The following FRMD4A variants were observed in gnomAD, a reference collection of about 807,000 sequenced individuals.
FRMD4A encodes FERM domain-containing protein 4A.
A neutral mutation model predicts 129.1 loss-of-function variants in FRMD4A; 29 were observed. That is an observed-to-expected ratio of 0.22 (90% CI 0.17 to 0.31). FRMD4A has a LOEUF of 0.31. Ranked by LOEUF, FRMD4A falls within the 10% of genes least tolerant of loss-of-function variation. The pLI, the probability that FRMD4A is intolerant of heterozygous loss-of-function variation, is 1.00. For missense variants in FRMD4A, 1,272 were observed against 1,375.8 expected (o/e 0.92, Z 1.19); for synonymous variants, 634 against 571.6 (o/e 1.11, Z -1.56).
At chr10:13,886,676 AC>A (rs780461002) in intron 2 of FRMD4A, among the ~76,000 whole-genome samples, 5 of 151,988 alleles carry the variant, frequency 3.3e-5, no homozygotes, top group Non-Finnish European at 1.5e-5. Context: ...CAACTCCTGA[AC>A]TCAAACAATC....
At chr10:13,769,293 G>C (rs1167146190) in intron 6 of FRMD4A, among the ~76,000 whole-genome samples, 1 of 151,022 alleles carries the variant, frequency 6.6e-6, no homozygotes, top group Admixed American at 6.6e-5. Flanking sequence ...GTGTCAACTT[G>C]ACAGGCCAAG....
At chr10:13,793,153 T>C (rs2093039337) in intron 5 of FRMD4A, among the ~76,000 whole-genome samples, 1 of 151,988 alleles carries the variant, frequency 6.6e-6, no homozygotes, top group Non-Finnish European at 1.5e-5. Flanking sequence ...TTAGTTATCT[T>C]TTCCATGACC....
chr10:14,272,911 C>T (rs536255219), intron 2 of FRMD4A, among the ~76,000 whole-genome samples: 1 of 152,234 alleles, frequency 6.6e-6, no homozygotes, highest in African/African-American at 2.4e-5. Context: ...AAATATCTTC[C>T]TATTGCCTTT....
intron 2 of FRMD4A, among the ~76,000 whole-genome samples, chr10:14,201,235 T>C (rs1842628409): frequency 6.6e-6 from 1 of 152,246 alleles, no homozygotes; most frequent in Admixed American, 6.5e-5. Context: ...TCGCCAGTCC[T>C]TGGAGTAGCT....
At chr10:14,244,560 A>G (rs1232183370) in intron 2 of FRMD4A, among the ~76,000 whole-genome samples, 3 of 152,258 alleles carry the variant, frequency 2.0e-5, no homozygotes, top group Admixed American at 6.5e-5. Context: ...GTAGTTATAA[A>G]CCACTAAGAT....
chr10:14,083,176 T>A (rs1836031423), intron 2 of FRMD4A: 1 of 152,208 alleles, frequency 6.6e-6, no homozygotes, highest in Admixed American at 6.5e-5. Context: ...TGCAAGTGGA[T>A]CACACTTGAA....
intron 2 of FRMD4A, among the ~76,000 whole-genome samples, chr10:14,228,917 G>C (rs1190274990): frequency 2.0e-5 from 3 of 152,128 alleles, no homozygotes; most frequent in African/African-American, 7.2e-5. Context: ...TTGTTATTTA[G>C]TTTAAAGCAC....
intron 4 of FRMD4A, among the ~76,000 whole-genome samples, chr10:13,802,541 T>C (rs1472238443): frequency 6.6e-6 from 1 of 152,194 alleles, no homozygotes; most frequent in Non-Finnish European, 1.5e-5. Flanking sequence ...AGCCTTGAAC[T>C]GCTGGGCTCA....
intron 2 of FRMD4A, among the ~76,000 whole-genome samples, chr10:14,026,894 A>G (rs1470880491): frequency 1.3e-5 from 2 of 152,198 alleles, no homozygotes; most frequent in Admixed American, 6.5e-5. Context: ...ACATTGTTCT[A>G]GTTTTCCAGC....
At chr10:13,753,914 G>A (rs1033767958) in intron 8 of FRMD4A, among the ~76,000 whole-genome samples, 10 of 152,004 alleles carry the variant, frequency 6.6e-5, no homozygotes, top group African/African-American at 1.9e-4. Context: ...ACCGAGTCTC[G>A]TTTTCTGGGG....
chr10:13,696,853 G>T (rs928542574), intron 14 of FRMD4A, among the ~76,000 whole-genome samples: 1 of 152,136 alleles, frequency 6.6e-6, no homozygotes, highest in African/African-American at 2.4e-5. Flanking sequence ...TAAAATGGAG[G>T]TCTTAAAACC....
rs922564939 is a variant in FRMD4A, at chr10:14,166,699, A to T, written c.45+163359T>A. On this transcript the variant is annotated intron_variant, in intron 2 of 24. Transcript: ENST00000357447. ...TATTATTACTCACCCAAAGAACAGG[A>T]TAGGAAAAGGGCAACGAAATGGCCT... 6.6e-5 allele frequency among the ~76,000 whole-genome samples: 10 copies of T among 152,322 alleles called. No individual in the cohort carries two copies. The Middle Eastern group carries it at 0.01, about 155-fold the overall frequency.
At chr10:14,064,976 G>A (rs760769254) in intron 2 of FRMD4A, among the ~76,000 whole-genome samples, 4 of 152,168 alleles carry the variant, frequency 2.6e-5, no homozygotes, top group Non-Finnish European at 5.9e-5. Context: ...TACTATATTA[G>A]AGTGTTGCCA....
At chr10:13,864,065 G>A (rs528333493) in intron 2 of FRMD4A, among the ~76,000 whole-genome samples, 2 of 151,688 alleles carry the variant, frequency 1.3e-5, no homozygotes, top group South Asian at 2.1e-4. Context: ...GCATGATCTC[G>A]GCTCACTGCA....
chr10:13,977,927 G>A (rs905245625), intron 2 of FRMD4A, among the ~76,000 whole-genome samples: 7 of 152,142 alleles, frequency 4.6e-5, no homozygotes, highest in African/African-American at 1.2e-4. Flanking sequence ...CCACTCTCTG[G>A]CTACTATCAA....
chr10:13,872,046 C>T (rs1162847627), intron 2 of FRMD4A, among the ~76,000 whole-genome samples: 1 of 152,260 alleles, frequency 6.6e-6, no homozygotes, highest in East Asian at 1.9e-4. Context: ...ACAGCAATTC[C>T]TACCTCGTAG....
At chr10:14,111,659 A>G (rs1837907640) in intron 2 of FRMD4A, among the ~76,000 whole-genome samples, 1 of 152,058 alleles carries the variant, frequency 6.6e-6, no homozygotes, top group South Asian at 2.1e-4. Context: ...TATGAAACCT[A>G]CCTACTATGG....
At chr10:13,856,701 C>T (rs1221816243) in intron 3 of FRMD4A, among the ~76,000 whole-genome samples, 2 of 152,156 alleles carry the variant, frequency 1.3e-5, no homozygotes, top group South Asian at 2.1e-4. Flanking sequence ...GTGGAAAGAA[C>T]ATGAACTTCT....
intron 2 of FRMD4A, among the ~76,000 whole-genome samples, chr10:14,066,195 A>G (rs1389770058): frequency 6.6e-6 from 1 of 152,056 alleles, no homozygotes; most frequent in East Asian, 1.9e-4. Context: ...TGGGCACCTG[A>G]GGAGGAGATC....
Sources: allele counts gnomAD v4.1 joint callset (sites outside exome capture counted in the v4.1 genomes callset), GRCh38; gene constraint gnomAD v4.1.1; transcripts MANE v1.5; gene names NCBI Gene and HGNC (gene_info 2026-07-23, HGNC 2026-07-21).